Variants in NADK2 observed in about 807,000 individuals in gnomAD.
NADK2 encodes NAD kinase 2, mitochondrial, also known as NAD kinase domain-containing protein 1, mitochondrial.
NADK2 carries 35 observed loss-of-function variants against 62.1 expected under a neutral mutation model. The ratio of observed to expected loss-of-function variants is 0.56; its 90% CI spans 0.43 to 0.75. The LOEUF is 0.75. NADK2 is among the 30% of genes least tolerant of loss of function. The pLI is 0.00. For synonymous variants in NADK2, 205 were observed against 207.9 expected, an observed-to-expected ratio of 0.99 and a Z score of 0.12; for missense variants, 439 against 561.3, an observed-to-expected ratio of 0.78 and a Z score of 2.20.
intron 1 of NADK2, among the ~76,000 whole-genome samples, chr5:36,232,182 A>G (rs1166542362): frequency 6.6e-6 from 1 of 152,218 alleles, no homozygotes; most frequent in Non-Finnish European, 1.5e-5. Flanking sequence ...TAGTTATGCT[A>G]TTACCTAAAT....
chr5:36,211,401 A>G (rs1164866422), intron 7 of NADK2, among the ~76,000 whole-genome samples: 1 of 151,982 alleles, frequency 6.6e-6, no homozygotes, highest in Non-Finnish European at 1.5e-5. Flanking sequence ...ACTACAAATA[A>G]AAAATTAGGT....
In NADK2 at chr5:36,195,000, C is replaced by T. The variant is rs1746174557; in HGVS notation, c.*144G>A. 3.9e-6 allele frequency: 3 copies of T among 764,538 alleles called. No individual in the cohort carries two copies. Among genetic ancestry groups the T allele is most frequent in the Non-Finnish European group, 6.0e-6 (3 of 501,994 alleles). 47.4% of individuals were successfully genotyped at this position (764,538 alleles called of 1,614,324 possible). ...TGTCTTTTTTTCTATCAGAATCCAA[C>T]AGAAGAATAATGCAAATCTCACTTC... On this transcript the variant is annotated 3_prime_UTR_variant, in exon 12 of 12. Coordinates refer to ENST00000381937, the MANE Select transcript of NADK2 (RefSeq NM_001085411.3).
At chr5:36,238,791 GA>G (rs1199882514) in intron 1 of NADK2, among the ~76,000 whole-genome samples, 2 of 152,082 alleles carry the variant, frequency 1.3e-5, no homozygotes, top group Admixed American at 6.6e-5. Context: ...AATCAATGGG[GA>G]AAAAGACAAG....
chr5:36,207,095 C>T (rs754891643), intron 8 of NADK2, 75 bp downstream of exon 8: 12 of 1,181,834 alleles, frequency 1.0e-5, no homozygotes, highest in Non-Finnish European at 1.4e-5. Flanking sequence ...ATATTACAGG[C>T]CTTAGATGGG....
At chr5:36,203,293 T>TA (rs1425083987) in intron 8 of NADK2, among the ~76,000 whole-genome samples, 2 of 152,200 alleles carry the variant, frequency 1.3e-5, no homozygotes, top group East Asian at 3.9e-4. Context: ...AGTAGTATGA[T>TA]AAAAACAAAA....
rs1339451437 is a variant in NADK2, at chr5:36,194,184, A to AT, written c.*959_*960insA. The AT allele has an allele frequency of 2.6e-5, 4 of 152,354 alleles. No homozygotes were observed. Among genetic ancestry groups the AT allele is most frequent in the African/African-American group, 9.6e-5 (4 of 41,588 alleles). 9.4% of individuals were successfully genotyped at this position (152,354 alleles called of 1,614,324 possible). On this transcript the variant is annotated 3_prime_UTR_variant, in exon 12 of 12. Transcript: ENST00000381937. ...GCTATTCTGTAAATCTTGGAATATA[A>AT]GCTAGGTGAAAACCACAATACTAAG...
chr5:36,212,748 T>C (rs925689592), intron 6 of NADK2, among the ~76,000 whole-genome samples: 1 of 152,232 alleles, frequency 6.6e-6, no homozygotes, highest in Non-Finnish European at 1.5e-5. Flanking sequence ...CTTTTCTGTC[T>C]CCTCCACAAT....
upstream of NADK2, chr5:36,242,110 T>C (rs67061065): frequency 0.33 from 52,298 of 158,354 alleles, 9,440 homozygotes; most frequent in South Asian, 0.49. Context: ...GCATAATGGC[T>C]GCTTCGCCGC....
intron 1 of NADK2, among the ~76,000 whole-genome samples, chr5:36,230,237 C>T (rs10941279): frequency 0.35 from 52,643 of 152,026 alleles, 9,366 homozygotes; most frequent in South Asian, 0.45. Context: ...ATTCCCAACA[C>T]TCTAATCTCT....
rs149768983 is a variant in NADK2 at position 36,218,060 on chromosome 5, ATATT to A, written c.645-180_645-177del. On this transcript the variant is annotated intron_variant, in intron 5 of 11. Coordinates refer to ENST00000381937, the MANE Select transcript of NADK2 (RefSeq NM_001085411.3). ...GCTTCCTTATCAATGACAGATTTGA[ATATT>A]TATTCTCTTTTCAATTATAACGGAA... is the stretch of plus-strand genomic sequence containing the variant. 1,514 of 545,156 alleles carry A rather than the reference ATATT, an allele frequency of 2.8e-3. 9 individuals carry two copies. Among genetic ancestry groups the A allele is most frequent in the Non-Finnish European group, 3.9e-3 (1,225 of 314,782 alleles). 33.8% of individuals were successfully genotyped at this position (545,156 alleles called of 1,614,324 possible).
chr5:36,207,560 T>C (rs1746688318), intron 7 of NADK2, among the ~76,000 whole-genome samples: 1 of 152,102 alleles, frequency 6.6e-6, no homozygotes, highest in Non-Finnish European at 1.5e-5. Flanking sequence ...GCATTGTGCT[T>C]TTGCTCTTAT....
rs539024218 is a variant in NADK2, at chr5:36,225,175, A to G, written c.560+367T>C. ...ACCAATGCCAGCTAGATGTATATATATTTTTCATGCCTGAGCTTAAAACTA... is the reference window on the plus strand; with the variant it reads ...ACCAATGCCAGCTAGATGTATATATGTTTTTCATGCCTGAGCTTAAAACTA... On this transcript the variant is annotated intron_variant, in intron 4 of 11. Coordinates refer to ENST00000381937, the MANE Select transcript of NADK2 (RefSeq NM_001085411.3). Among the ~76,000 whole-genome samples the G allele has an allele frequency of 2.0e-5, 3 of 152,260 alleles. No homozygotes were observed. In the East Asian group the frequency reaches 5.8e-4, roughly 29 times the overall value.
chr5:36,199,213 TA>T (rs979587566), intron 10 of NADK2, among the ~76,000 whole-genome samples: 4 of 151,466 alleles, frequency 2.6e-5, no homozygotes, highest in African/African-American at 9.7e-5. Flanking sequence ...ATAATAAAAT[TA>T]AAAAAAAGAA....
intron 6 of NADK2, among the ~76,000 whole-genome samples, chr5:36,214,241 G>A (rs1746961691): frequency 6.6e-6 from 1 of 152,126 alleles, no homozygotes; most frequent in South Asian, 2.1e-4. Context: ...GAGTGCGATG[G>A]CACAATCTCG....
At chr5:36,239,438 T>C (rs777333693) in intron 1 of NADK2, among the ~76,000 whole-genome samples, 19 of 152,128 alleles carry the variant, frequency 1.2e-4, no homozygotes, top group Non-Finnish European at 2.4e-4. Flanking sequence ...CAACAAAAAC[T>C]ATTCCACTGC....
intron 1 of NADK2, among the ~76,000 whole-genome samples, chr5:36,240,664 G>A (rs550238419): frequency 6.6e-6 from 1 of 152,162 alleles, no homozygotes; most frequent in Non-Finnish European, 1.5e-5. Flanking sequence ...ACAACAGGAA[G>A]ATTCAAACTC....
chr5:36,228,627 T>G (rs1488370774), intron 1 of NADK2, among the ~76,000 whole-genome samples: 1 of 151,846 alleles, frequency 6.6e-6, no homozygotes, highest in African/African-American at 2.4e-5. Context: ...ACATGATTTT[T>G]TTTTTTTTTG....
At chr5:36,230,712 CTATAG>C (rs560678144) in intron 1 of NADK2, among the ~76,000 whole-genome samples, 128 of 152,286 alleles carry the variant, frequency 8.4e-4, no homozygotes, top group African/African-American at 3.0e-3. Flanking sequence ...AGATTAGTTA[CTATAG>C]TATATTATTT....
intron 7 of NADK2, among the ~76,000 whole-genome samples, chr5:36,211,192 A>G (rs1384292772): frequency 6.6e-6 from 1 of 152,178 alleles, no homozygotes; most frequent in African/African-American, 2.4e-5. Context: ...TGGGGAAGTG[A>G]TAAATGTCCA....
Sources: gnomAD v4.1 joint callset for allele counts (sites outside exome capture counted in the v4.1 genomes callset) on GRCh38, gnomAD v4.1.1 for gene constraint, MANE v1.5 for transcripts, NCBI Gene and HGNC (gene_info 2026-07-23, HGNC 2026-07-21) for gene names.